OTOGL: variants seen among roughly 807,000 people sequenced by gnomAD.
OTOGL encodes the protein otogelin-like protein.
A neutral mutation model predicts 318.5 loss-of-function variants in OTOGL; 285 were observed. That is an observed-to-expected ratio of 0.89 (90% CI 0.81 to 0.99). OTOGL has a LOEUF of 0.99. OTOGL is among the 50% of genes least tolerant of loss of function. The pLI is 0.00. For synonymous variants in OTOGL, 987 were observed against 936.5 expected (o/e 1.05, Z -0.99); for missense variants, 2,899 against 2,845.6 (o/e 1.02, Z -0.43).
intron 11 of OTOGL, among the ~76,000 whole-genome samples, chr12:80,241,803 T>C (rs1394930653): frequency 6.6e-6 from 1 of 152,182 alleles, no homozygotes; most frequent in African/African-American, 2.4e-5. Context: ...TGGATTGGCA[T>C]CGTGGCTCTG....
rs1886571335 is a variant in OTOGL at position 80,310,652 on chromosome 12, T to G, written c.3375T>G (p.His1125Gln). The G allele has an allele frequency of 6.3e-7, 1 of 1,597,026 alleles. No individual in the cohort carries two copies. Among genetic ancestry groups the G allele is most frequent in the Non-Finnish European group, 8.5e-7 (1 of 1,177,702 alleles). The change falls in exon 30 of 59, where the codon CAT becomes CAG. Residue 1125 changes from histidine (H) to glutamine (Q), a missense_variant. Transcript: ENST00000547103. ...PDETIKPCEA[H>Q]QNKFPYAKKE... Reference sequence around the variant, plus strand: ...AAACAATTAAACCCTGTGAGGCACATCAAAACAAATTTCCTTATGCCAAGA... The same window carrying G: ...AAACAATTAAACCCTGTGAGGCACAGCAAAACAAATTTCCTTATGCCAAGA...
At position 80,313,442 on chromosome 12, in the gene OTOGL, T is replaced by C. The variant is rs374603183; in HGVS notation, c.3451-34T>C. On this transcript the variant is annotated intron_variant, in intron 30 of 58. Coordinates refer to ENST00000547103, the MANE Select transcript of OTOGL (RefSeq NM_001378609.3). ...GACTTTAAATCATAATCAGTATCTA[T>C]TGAAATTAAGTAATCTTTCACCTCA... 5.1e-6 allele frequency: 8 copies of C among 1,556,662 alleles called. No homozygotes were observed. The African/African-American group carries it at 6.8e-5, about 13-fold the overall frequency.
At position 80,148,928 on chromosome 12, in the gene OTOGL, T is replaced by C. The variant is rs1029805653; in HGVS notation, c.-20+49323T>C. Among the ~76,000 whole-genome samples, 663 of 152,334 alleles carry C rather than the reference T, an allele frequency of 4.4e-3. 5 individuals are homozygous for C. Among genetic ancestry groups the C allele is most frequent in the African/African-American group, 0.015 (637 of 41,576 alleles). ...ATCAGCTCCTTTAAGCACTTCTCTGTATTGATTATTCTAGTTATACATTAT... is the reference window on the plus strand; with the variant it reads ...ATCAGCTCCTTTAAGCACTTCTCTGCATTGATTATTCTAGTTATACATTAT... On this transcript the variant is annotated intron_variant, in intron 1 of 58. Coordinates refer to ENST00000547103, the MANE Select transcript of OTOGL (RefSeq NM_001378609.3).
chr12:80,148,235 G>T (rs10778715), intron 1 of OTOGL, among the ~76,000 whole-genome samples: 56,286 of 140,836 alleles, frequency 0.4, 11,828 homozygotes, highest in East Asian at 0.47. Context: ...AGGAGCTCTT[G>T]TAGGGCAGGT....
chr12:80,262,016 C>T lies in OTOGL; in HGVS notation c.1937C>T (p.Ala646Val), dbSNP rs765379804. ...GGTACACCACAACTTCACGCAAATG[C>T]GTGGAGAGTTTCTTCTACCTGTTTT... ...IEGTPQLHANAWRVSSTCFAP... is the reference protein window; with the variant it reads ...IEGTPQLHANVWRVSSTCFAP... The change falls in exon 19 of 59, where the codon GCG becomes GTG. Residue 646 changes from alanine to valine, a missense_variant. Transcript: ENST00000547103. 1.1e-5 allele frequency: 18 copies of T among 1,612,856 alleles called. No homozygotes were observed. Among genetic ancestry groups the T allele is most frequent in the South Asian group, 4.4e-5 (4 of 91,030 alleles).
rs1469320605 is a variant in OTOGL, at chr12:80,378,842, T to C, written c.*794T>C. The C allele has an allele frequency of 6.6e-6, 1 of 152,092 alleles. No homozygotes were observed. Among genetic ancestry groups the C allele is most frequent in the African/African-American group, 2.4e-5 (1 of 41,434 alleles). 9.4% of individuals were successfully genotyped at this position (152,092 alleles called of 1,614,324 possible). ...TGCCCCCCATACATTGTTATTCCAATAGTAAGGAGCAGGGAAATATAGCAT... is the reference window on the plus strand; with the variant it reads ...TGCCCCCCATACATTGTTATTCCAACAGTAAGGAGCAGGGAAATATAGCAT... On this transcript the variant is annotated 3_prime_UTR_variant, in exon 59 of 59. Coordinates refer to ENST00000547103, the MANE Select transcript of OTOGL (RefSeq NM_001378609.3).
At chr12:80,145,639 T>C (rs1331489631) in intron 1 of OTOGL, among the ~76,000 whole-genome samples, 3 of 152,138 alleles carry the variant, frequency 2.0e-5, no homozygotes, top group East Asian at 1.9e-4. Context: ...ATCTATAAAT[T>C]ACCTTGGGCA....
chr12:80,339,817 G>C (rs1302590792), intron 43 of OTOGL, among the ~76,000 whole-genome samples: 1 of 151,960 alleles, frequency 6.6e-6, no homozygotes, highest in Admixed American at 6.6e-5. Flanking sequence ...ATTACATCTA[G>C]GTTTAATATT....
intron 1 of OTOGL, among the ~76,000 whole-genome samples, chr12:80,153,964 G>T (rs920698156): frequency 1.3e-5 from 2 of 152,178 alleles, no homozygotes; most frequent in African/African-American, 4.8e-5. Flanking sequence ...GACAAAGTCA[G>T]TTAGGTCTCA....
intron 1 of OTOGL, among the ~76,000 whole-genome samples, chr12:80,128,570 C>G (rs1871015674): frequency 1.3e-5 from 2 of 152,220 alleles, no homozygotes; most frequent in South Asian, 2.1e-4. Context: ...TCAAAGCTGT[C>G]AGACAGGGAC....
intron 56 of OTOGL, 139 bp from the exon 57 acceptor site, chr12:80,371,880 G>A (rs1890893864): frequency 8.8e-6 from 4 of 452,462 alleles, no homozygotes; most frequent in Non-Finnish European, 1.1e-5. Flanking sequence ...TTTAGTAATA[G>A]TTAAATTCCA....
At chr12:80,266,710 A>G in intron 21 of OTOGL, 94 bp downstream of exon 21, 1 of 1,261,624 alleles carries the variant, frequency 7.9e-7, no homozygotes, top group Non-Finnish European at 1.1e-6. Context: ...TGAAAAAAAT[A>G]TTTCTTATTG....
intron 1 of OTOGL, among the ~76,000 whole-genome samples, chr12:80,144,742 G>A (rs1484848734): frequency 3.3e-5 from 5 of 152,098 alleles, no homozygotes; most frequent in African/African-American, 1.2e-4. Context: ...TATAATGATT[G>A]CCATTCTAAC....
At chr12:80,199,823 G>A (rs568955891) in intron 1 of OTOGL, among the ~76,000 whole-genome samples, 4 of 152,150 alleles carry the variant, frequency 2.6e-5, no homozygotes, top group Non-Finnish European at 5.9e-5. Context: ...CTGAATTGCA[G>A]CACATTACTA....
At chr12:80,288,416 C>T (rs976097464) in intron 26 of OTOGL, among the ~76,000 whole-genome samples, 2 of 151,982 alleles carry the variant, frequency 1.3e-5, no homozygotes, top group African/African-American at 2.4e-5. Flanking sequence ...GTGGTGTTCT[C>T]GTATTTCCTG....
intron 1 of OTOGL, among the ~76,000 whole-genome samples, chr12:80,168,879 T>G (rs1167963930): frequency 6.6e-6 from 1 of 152,206 alleles, no homozygotes; most frequent in African/African-American, 2.4e-5. Flanking sequence ...TAGCAGATGT[T>G]AATTAGGGTT....
chr12:80,278,333 C>A, intron 25 of OTOGL, 58 bp downstream of exon 25: 1 of 1,313,682 alleles, frequency 7.6e-7, no homozygotes, highest in Admixed American at 2.1e-5. Flanking sequence ...AAATTTCAAT[C>A]ATCTTTTATT....
Position 80,379,874 on chromosome 12 carries a change from A to C in OTOGL, c.*1826A>C, listed in dbSNP as rs569006967. The C allele has an allele frequency of 1.3e-5, 2 of 152,110 alleles. No homozygotes were observed. The highest frequency in any genetic ancestry group is 4.8e-5 in the African/African-American group (2 of 41,540). 9.4% of individuals were successfully genotyped at this position (152,110 alleles called of 1,614,324 possible). On this transcript the variant is annotated 3_prime_UTR_variant, in exon 59 of 59. Coordinates refer to ENST00000547103, the MANE Select transcript of OTOGL (RefSeq NM_001378609.3). ...TATAAACTCTTGGGACACAGGCAAA[A>C]CTAAACAGACACAGTCCTAACTCCC...
chr12:80,256,309 T>G, intron 16 of OTOGL, 28 bp from the exon 17 acceptor site: 1 of 1,585,992 alleles, frequency 6.3e-7, no homozygotes, highest in Non-Finnish European at 8.6e-7. Context: ...CTCCCATTCC[T>G]TGCATTGATA....
Sources: allele counts gnomAD v4.1 joint callset (sites outside exome capture counted in the v4.1 genomes callset), GRCh38; gene constraint gnomAD v4.1.1; transcripts MANE v1.5; gene names NCBI Gene and HGNC (gene_info 2026-07-23, HGNC 2026-07-21).